KIF13A: variants seen among roughly 807,000 people sequenced by gnomAD.
KIF13A encodes the protein kinesin-like protein KIF13A.
Under a neutral mutation model 212.2 loss-of-function variants are expected in KIF13A, and 79 were observed. That is an observed-to-expected ratio of 0.37 (90% CI 0.31 to 0.45). The LOEUF (loss-of-function observed/expected upper bound fraction) is 0.45, where lower values mean the gene tolerates loss of function less well. Among genes scored for constraint, KIF13A ranks in the 20% least tolerant of loss-of-function variants. The pLI is 1.00. For missense variants in KIF13A, 1,901 were observed against 2,209.0 expected, an observed-to-expected ratio of 0.86 and a Z score of 2.79; for synonymous variants, 789 against 808.6, an observed-to-expected ratio of 0.98 and a Z score of 0.41.
rs9477522 is a variant in KIF13A, at chr6:17,771,015, A to C, written c.4581+99T>G. The stretch of plus-strand genomic sequence containing the variant: ...TTTATTTTCTTTAAGACAAAGACCC[A>C]ATACATGTCTTAATTTCTTCTAGCA... On this transcript the variant is annotated intron_variant, in intron 38 of 38. Coordinates refer to ENST00000259711, the MANE Select transcript of KIF13A (RefSeq NM_022113.6). The surrounding 1 kb of genome is among the most constrained non-coding windows in gnomAD (Gnocchi z 5.4). The C allele has an allele frequency of 0.065, 50,108 of 776,024 alleles. 1,770 individuals carry two copies. Among genetic ancestry groups the C allele is most frequent in the Non-Finnish European group, 0.067 (31,325 of 465,884 alleles). The allele number at this position is 776,024 out of a possible 1,614,324, so 48.1% of individuals were successfully genotyped here.
chr6:17,952,303 CAAAA>C (rs35418848), intron 2 of KIF13A, among the ~76,000 whole-genome samples: 3 of 102,312 alleles, frequency 2.9e-5, no homozygotes, highest in Admixed American at 1.0e-4. Context: ...GACTCCGTCT[CAAAA>C]AAAAAAAAAA....
intron 2 of KIF13A, among the ~76,000 whole-genome samples, chr6:17,965,036 C>G (rs956804603): frequency 4.6e-5 from 7 of 152,054 alleles, no homozygotes; most frequent in African/African-American, 1.7e-4. Context: ...ACCATGTTGG[C>G]CAGGCTAGTC....
intron 2 of KIF13A, among the ~76,000 whole-genome samples, chr6:17,916,758 T>C (rs1012398349): frequency 6.6e-6 from 1 of 152,156 alleles, no homozygotes; most frequent in Non-Finnish European, 1.5e-5. Flanking sequence ...ATGGACAGGT[T>C]AAGAAATTTA....
chr6:17,772,452 A>C lies in KIF13A; in HGVS notation c.4325-393T>G, dbSNP rs947644522. Among the ~76,000 whole-genome samples the C allele has an allele frequency of 5.9e-5, 9 of 152,136 alleles. No homozygotes were observed. Among genetic ancestry groups the C allele is most frequent in the African/African-American group, 1.7e-4 (7 of 41,430 alleles). ...AAAAACCCCACAAACAACAAACAACAAACAAAAAAACCCCCAAAAAACCAT... is the reference window on the plus strand; with the variant it reads ...AAAAACCCCACAAACAACAAACAACCAACAAAAAAACCCCCAAAAAACCAT... On this transcript the variant is annotated intron_variant, in intron 36 of 38. Transcript: ENST00000259711. The surrounding 1 kb of genome is among the most constrained non-coding windows in gnomAD (Gnocchi z 4.8).
chr6:17,837,368 G>A lies in KIF13A; in HGVS notation c.942+104C>T. The A allele has an allele frequency of 1.3e-6, 1 of 758,308 alleles. No homozygotes were observed. The highest frequency in any genetic ancestry group is 2.7e-5 in the East Asian group (1 of 37,218). 47.0% of individuals were successfully genotyped at this position (758,308 alleles called of 1,614,324 possible). A position where few individuals can be genotyped will look rare whatever the true frequency, so the allele number is the denominator to read the frequency against. ...CTAGGAATTAGAATAACTGTCATCA[G>A]GAGAGTTCTTTAGGTATTTGGTTAG... On this transcript the variant is annotated intron_variant, in intron 10 of 38. Coordinates refer to ENST00000259711, the MANE Select transcript of KIF13A (RefSeq NM_022113.6). The surrounding 1 kb of genome is among the most constrained non-coding windows in gnomAD (Gnocchi z 5.4).
rs764497166 is a variant in KIF13A at position 17,804,495 on chromosome 6, C to T, written c.2320G>A (p.Gly774Arg). 16 of 1,597,950 alleles carry T rather than the reference C, an allele frequency of 1.0e-5. No individual in the cohort carries two copies. In the South Asian group the frequency reaches 1.0e-4, roughly 10 times the overall value. The change falls in exon 20 of 39, where the codon GGA (glycine) becomes AGA (arginine). Residue 774 changes from glycine to arginine, a missense_variant. Physicochemically the swap from Gly to Arg is moderately radical, Grantham distance 125. Transcript: ENST00000259711. ...EKVPEAKRLY[G>R]KRGDPFYEAQ... The stretch of plus-strand genomic sequence containing the variant: ...TCATAGAAAGGGTCACCTCGTTTTC[C>T]GTAGAGTCTCTTTGCCTGAGAAGTA...
chr6:17,881,471 T>C, intron 3 of KIF13A: 1 of 418,246 alleles, frequency 2.4e-6, no homozygotes, highest in South Asian at 1.7e-5. Context: ...CCAGGCACAG[T>C]GGCTTATGAG....
In KIF13A at chr6:17,794,475, G is replaced by A. The variant is rs1001239125; in HGVS notation, c.3076-80C>T. On this transcript the variant is annotated intron_variant, in intron 24 of 38. Transcript: ENST00000259711. This position sits in a 1 kb window ranked among gnomAD's most constrained non-coding sequence, Gnocchi z 4.1. ...GATAAAGAAGGGGAAAAGGATTAGA[G>A]AATAAAGATACAAATAGTTAGAAAA... 1.9e-6 allele frequency: 3 copies of A among 1,561,546 alleles called. No homozygotes were observed. The highest frequency in any genetic ancestry group is 1.2e-5 in the South Asian group (1 of 85,296).
At chr6:17,778,883 A>G (rs977183358) in intron 33 of KIF13A, 64 bp downstream of exon 33, 31 of 1,523,578 alleles carry the variant, frequency 2.0e-5, no homozygotes, top group East Asian at 1.2e-4. Flanking sequence ...AAGTAAATTC[A>G]TATCTGTCCA....
chr6:17,956,486 T>C (rs1346155670), intron 2 of KIF13A, among the ~76,000 whole-genome samples: 1 of 152,168 alleles, frequency 6.6e-6, no homozygotes, highest in Non-Finnish European at 1.5e-5. Context: ...ACAAACCCAA[T>C]ATGCAAGAGA....
At chr6:17,937,999 C>T (rs539325651) in intron 2 of KIF13A, among the ~76,000 whole-genome samples, 7 of 152,078 alleles carry the variant, frequency 4.6e-5, no homozygotes, top group Non-Finnish European at 8.8e-5. Context: ...CCACCTGCCT[C>T]GGCCTCTCAA....
At chr6:17,864,417 G>A (rs1393806986) in intron 4 of KIF13A, among the ~76,000 whole-genome samples, 4 of 152,290 alleles carry the variant, frequency 2.6e-5, no homozygotes, top group African/African-American at 9.6e-5. Context: ...AACAGAGAGA[G>A]CTCCTGTATG....
At position 17,852,015 on chromosome 6, in the gene KIF13A, T is replaced by C; in HGVS notation, c.522A>G (p.Glu174=). The C allele has an allele frequency of 2.6e-6, 4 of 1,553,066 alleles. No homozygotes were observed. In the South Asian group the frequency reaches 5.1e-5, roughly 20 times the overall value. ...KGSRQSLKVR[E]HKVLGPYVDG... ...CTACATATGGTCCCAAAACTTTATG[T>C]TCTCGAACTTTAAGAGACTGTCTAC... The change falls in exon 7 of 39, where the codon GAA becomes GAG. Residue 174 remains glutamate (E), a synonymous_variant. Transcript: ENST00000259711.
At chr6:17,812,993 T>C (rs1339385044) in intron 17 of KIF13A, among the ~76,000 whole-genome samples, 2 of 152,242 alleles carry the variant, frequency 1.3e-5, no homozygotes, top group East Asian at 3.8e-4. Context: ...GAAGACACTT[T>C]TGCTTTTATC....
chr6:17,975,573 A>G (rs944828548), intron 2 of KIF13A, among the ~76,000 whole-genome samples: 4 of 152,198 alleles, frequency 2.6e-5, no homozygotes, highest in African/African-American at 9.7e-5. Context: ...GTACAGAACA[A>G]AACGCGAACA....
chr6:17,765,093 T>C, intron 38 of KIF13A, 147 bp from the exon 39 acceptor site: 1 of 624,638 alleles, frequency 1.6e-6, no homozygotes, highest in Non-Finnish European at 2.8e-6. Flanking sequence ...GGCCAGATCT[T>C]GTCACCTATT....
intron 2 of KIF13A, among the ~76,000 whole-genome samples, chr6:17,948,488 G>A (rs1280706073): frequency 6.6e-6 from 1 of 151,202 alleles, no homozygotes; most frequent in Non-Finnish European, 1.5e-5. Context: ...AATAAGTTAT[G>A]CTACATGAAC....
chr6:17,950,575 G>T (rs1172731543), intron 2 of KIF13A: 3 of 984,940 alleles, frequency 3.0e-6, no homozygotes, highest in Non-Finnish European at 3.6e-6. Context: ...TGCCCCACAG[G>T]ATTTTAACAA....
At chr6:17,845,205 G>C (rs1766901335) in intron 9 of KIF13A, among the ~76,000 whole-genome samples, 1 of 152,056 alleles carries the variant, frequency 6.6e-6, no homozygotes, top group African/African-American at 2.4e-5. Flanking sequence ...ACAGCATGAG[G>C]GAAACCGCTC....
Sources: allele counts gnomAD v4.1 joint callset (sites outside exome capture counted in the v4.1 genomes callset), GRCh38; gene constraint gnomAD v4.1.1; non-coding constraint Gnocchi (gnomAD v3.1); transcripts MANE v1.5; gene names NCBI Gene and HGNC (gene_info 2026-07-23, HGNC 2026-07-21).